Variants in ELFN1 observed in about 807,000 individuals in gnomAD.
The protein encoded by ELFN1 is extracellular leucine rich repeat and fibronectin type III domain containing 1.
ELFN1 carries 6 observed loss-of-function variants against 7.6 expected under a neutral mutation model. The ratio of observed to expected loss-of-function variants is 0.79; its 90% CI spans 0.43 to 1.56. The LOEUF (loss-of-function observed/expected upper bound fraction) is 1.56. Among genes scored for constraint, ELFN1 ranks in the 40% most tolerant of loss-of-function variants. The probability of loss-of-function intolerance (pLI) is 0.01; values close to 1 mark genes in which losing one functional copy is unlikely to be tolerated. For synonymous variants in ELFN1, 657 were observed against 588.1 expected (o/e 1.12, Z -1.70); for missense variants, 1,169 against 1,232.2 (o/e 0.95, Z 0.77).
Position 1,740,531 on chromosome 7 carries a change from A to G in ELFN1, c.-293-3773A>G, listed in dbSNP as rs536545759. ...GAGGGCACAGGCTGGCGGGGCATCG[A>G]GAGTGACTTGAGTGAGCGAGCCCAG... On this transcript the variant is annotated intron_variant, in intron 3 of 3. Coordinates refer to ENST00000424383, the MANE Select transcript of ELFN1 (RefSeq NM_001128636.4). The surrounding 1 kb of genome is among the most constrained non-coding windows in gnomAD (Gnocchi z 5.0). Among the ~76,000 whole-genome samples the G allele has an allele frequency of 7.9e-5, 12 of 152,258 alleles. 1 individual carries two copies. In the East Asian group the frequency reaches 2.3e-3, roughly 29 times the overall value.
At chr7:1,729,624 C>G (rs928138059) in intron 3 of ELFN1, among the ~76,000 whole-genome samples, 2 of 152,228 alleles carry the variant, frequency 1.3e-5, no homozygotes, top group Non-Finnish European at 2.9e-5. Context: ...AAGGCTGTCT[C>G]AGGCCAGCCC....
rs144629835 is a variant in ELFN1, at chr7:1,729,364, G to A, written c.-293-14940G>A. ...CTCAGGGTTCTTGGGTCAGGCACTG[G>A]GAAGGGCTCAGCAGGGCGGTTCACC... is the stretch of plus-strand genomic sequence containing the variant. On this transcript the variant is annotated intron_variant, in intron 3 of 3. Coordinates refer to ENST00000424383, the MANE Select transcript of ELFN1 (RefSeq NM_001128636.4). Among the ~76,000 whole-genome samples the A allele has an allele frequency of 1.5e-3, 223 of 152,300 alleles. 1 individual carries two copies. The highest frequency in any genetic ancestry group is 2.6e-3 in the Non-Finnish European group (175 of 68,024).
chr7:1,711,279 C>T (rs149633106), intron 3 of ELFN1, among the ~76,000 whole-genome samples: 15 of 152,214 alleles, frequency 9.9e-5, no homozygotes, highest in Non-Finnish European at 1.8e-4. Context: ...GTGGGTCTGT[C>T]GGTTGGCCTA....
intron 1 of ELFN1, among the ~76,000 whole-genome samples, chr7:1,681,707 A>T (rs1272975513): frequency 6.6e-6 from 1 of 152,202 alleles, no homozygotes; most frequent in African/African-American, 2.4e-5. Context: ...ACCATGTTAC[A>T]TTCCCACCAG....
intron 1 of ELFN1, among the ~76,000 whole-genome samples, chr7:1,678,906 G>A (rs1051882296): frequency 2.6e-4 from 40 of 152,318 alleles, no homozygotes; most frequent in Admixed American, 1.4e-3. Context: ...TTTGGAGCAC[G>A]GGTGATGCCA....
At chr7:1,699,427 C>T (rs1034249279) in intron 2 of ELFN1, among the ~76,000 whole-genome samples, 5 of 152,008 alleles carry the variant, frequency 3.3e-5, no homozygotes, top group African/African-American at 1.2e-4. Context: ...CACTTGAGCC[C>T]GGGAGTTTGA....
chr7:1,688,718 T>C (rs1779103485), intron 2 of ELFN1, among the ~76,000 whole-genome samples: 1 of 152,174 alleles, frequency 6.6e-6, no homozygotes, highest in Non-Finnish European at 1.5e-5. Context: ...TTCCCCCCAG[T>C]GGCAACATCT....
chr7:1,701,024 G>A (rs773622512), intron 2 of ELFN1, among the ~76,000 whole-genome samples: 9 of 152,140 alleles, frequency 5.9e-5, no homozygotes, highest in Non-Finnish European at 8.8e-5. Flanking sequence ...GGTAGCTGTC[G>A]TGTAGCTTGT....
chr7:1,705,964 C>T lies in ELFN1; in HGVS notation c.-455-3127C>T, dbSNP rs761385071. On this transcript the variant is annotated intron_variant, in intron 2 of 3. Transcript: ENST00000424383. This position sits in a 1 kb window ranked among gnomAD's most constrained non-coding sequence, Gnocchi z 4.3. ...CTTCACCCTGACAAAGGGATGGTCA[C>T]GATCGTCCTTGTTCTACAGGGAGGG... is the stretch of plus-strand genomic sequence containing the variant. Among the ~76,000 whole-genome samples, 2 of 152,194 alleles carry T rather than the reference C, an allele frequency of 1.3e-5. No individual in the cohort carries two copies. The highest frequency in any genetic ancestry group is 4.8e-5 in the African/African-American group (2 of 41,438).
At position 1,745,670 on chromosome 7, in the gene ELFN1, G is replaced by C; in HGVS notation, c.1074G>C (p.Arg358Ser). 1 of 1,551,412 alleles carries C rather than the reference G, an allele frequency of 6.4e-7. No homozygotes were observed. The highest frequency in any genetic ancestry group is 8.7e-7 in the Non-Finnish European group (1 of 1,147,022). ...ACAGCAAGGCCTCCACCGTGTCCAG[G>C]CTGACCAAGGCCCAGGAGGAGATCC... is the stretch of plus-strand genomic sequence containing the variant. Reference protein sequence around the residue: ...FNNSKASTVSRLTKAQEEIRL... With the variant: ...FNNSKASTVSSLTKAQEEIRL... Residue 358 changes from arginine (R) to serine (S), a missense_variant, in exon 4 of 4, where the codon AGG (arginine) becomes AGC (serine). This residue lies in a region of ELFN1 where 914 missense variants were observed against 872.6 expected (regional missense o/e 1.05). Coordinates refer to ENST00000424383, the MANE Select transcript of ELFN1 (RefSeq NM_001128636.4).
intron 3 of ELFN1, among the ~76,000 whole-genome samples, chr7:1,741,146 A>G (rs1228966025): frequency 2.6e-5 from 4 of 151,364 alleles, no homozygotes; most frequent in Admixed American, 6.6e-5. Context: ...AAAAAAAAAA[A>G]AAGAAGAAAG....
Position 1,747,199 on chromosome 7 carries a change from C to A in ELFN1, c.*116C>A. The A allele has an allele frequency of 8.1e-7, 1 of 1,230,472 alleles. No individual in the cohort carries two copies. The highest frequency in any genetic ancestry group is 1.8e-5 in the South Asian group (1 of 55,496). 76.2% of individuals were successfully genotyped at this position (1,230,472 alleles called of 1,614,324 possible). A position where few individuals can be genotyped will look rare whatever the true frequency, so the allele number is the denominator to read the frequency against. On this transcript the variant is annotated 3_prime_UTR_variant, in exon 4 of 4. Transcript: ENST00000424383. ...ACAGCAACTGTGACAGCGGGGGGCC[C>A]TGCAGAGGCGAGGGGGGAGCGAGTG...
chr7:1,680,510 C>T (rs756750940), intron 1 of ELFN1, among the ~76,000 whole-genome samples: 2 of 152,166 alleles, frequency 1.3e-5, no homozygotes, highest in Non-Finnish European at 2.9e-5. Context: ...TTTTTTCTTC[C>T]TGAGCAGCTT....
At chr7:1,693,579 C>T (rs1308482933) in intron 2 of ELFN1, 7 of 471,092 alleles carry the variant, frequency 1.5e-5, no homozygotes, top group Admixed American at 9.4e-5. Context: ...GGTGTGTGCA[C>T]ATCTGCAGAG....
At chr7:1,693,700 C>G (rs1267955225) in intron 2 of ELFN1, 2 of 470,876 alleles carry the variant, frequency 4.2e-6, no homozygotes, top group Non-Finnish European at 8.8e-6. Context: ...CTACAGACAG[C>G]TGTGTGCGCC....
chr7:1,676,800 C>T (rs1039926414), intron 1 of ELFN1, among the ~76,000 whole-genome samples: 12 of 152,200 alleles, frequency 7.9e-5, no homozygotes, highest in Middle Eastern at 3.2e-3. Flanking sequence ...GGGAGAGGCC[C>T]CAGGGTCCGG....
intron 3 of ELFN1, among the ~76,000 whole-genome samples, chr7:1,736,320 A>G (rs1242730491): frequency 6.6e-6 from 1 of 151,962 alleles, no homozygotes; most frequent in East Asian, 1.9e-4. Context: ...GGAGCTGGAA[A>G]CTTCGCTCCA....
Position 1,744,455 on chromosome 7 carries a change from G to T in ELFN1, c.-142G>T. ...TCCCTCCCCGCGCTTACGTCGCGCGGCCATGCGGTTTGGGACAGGACACCC... is the reference window on the plus strand; with the variant it reads ...TCCCTCCCCGCGCTTACGTCGCGCGTCCATGCGGTTTGGGACAGGACACCC... On this transcript the variant is annotated 5_prime_UTR_variant, in exon 4 of 4. Transcript: ENST00000424383. 1.0e-6 allele frequency: 1 copy of T among 988,448 alleles called. No individual in the cohort carries two copies. Among genetic ancestry groups the T allele is most frequent in the Non-Finnish European group, 1.4e-6 (1 of 709,648 alleles). The allele number at this position is 988,448 out of a possible 1,614,324, so 61.2% of individuals were successfully genotyped here.
upstream of ELFN1, among the ~76,000 whole-genome samples, chr7:1,669,352 G>C (rs1476040564): frequency 6.6e-6 from 1 of 152,100 alleles, no homozygotes; most frequent in Non-Finnish European, 1.5e-5. Flanking sequence ...GCGGGGAGGG[G>C]GCGCCGGCGG....
Sources: allele counts gnomAD v4.1 joint callset (sites outside exome capture counted in the v4.1 genomes callset), GRCh38; gene constraint gnomAD v4.1.1; regional missense constraint gnomAD v4.1.1; non-coding constraint Gnocchi (gnomAD v3.1); transcripts MANE v1.5; gene names NCBI Gene and HGNC (gene_info 2026-07-23, HGNC 2026-07-21).